Variants in SCHIP1 observed in about 807,000 individuals in gnomAD.
SCHIP1 encodes schwannomin-interacting protein 1.
SCHIP1 carries 8 observed loss-of-function variants against 29.7 expected under a neutral mutation model. That is an observed-to-expected ratio of 0.27 (90% CI 0.16 to 0.49). The LOEUF (loss-of-function observed/expected upper bound fraction) is 0.49. Ranked by LOEUF, SCHIP1 falls within the 20% of genes least tolerant of loss-of-function variation. The pLI, the probability that SCHIP1 is intolerant of heterozygous loss-of-function variation, is 0.99. For missense variants in SCHIP1, 193 were observed against 294.6 expected, an observed-to-expected ratio of 0.66 and a Z score of 2.52; for synonymous variants, 76 against 94.9, an observed-to-expected ratio of 0.80 and a Z score of 1.16.
At chr3:159,736,339 A>G in the SCHIP1 span, among the ~76,000 whole-genome samples, 3 of 152,170 alleles carry the variant, frequency 2.0e-5, no homozygotes, top group Non-Finnish European at 2.9e-5. Flanking sequence ...CCTTAAAAAT[A>G]TTTTTTAACT....
the SCHIP1 span, among the ~76,000 whole-genome samples, chr3:159,342,487 A>C: frequency 6.6e-6 from 1 of 152,342 alleles, no homozygotes; most frequent in Admixed American, 6.5e-5. Context: ...AGTGCAGGAA[A>C]TATCTTTACA....
At chr3:159,794,051 G>C in the SCHIP1 span, among the ~76,000 whole-genome samples, 1 of 152,170 alleles carries the variant, frequency 6.6e-6, no homozygotes, top group Non-Finnish European at 1.5e-5. Context: ...GGTCTTTAAC[G>C]TCATCACATC....
At chr3:159,745,173 T>C in the SCHIP1 span, among the ~76,000 whole-genome samples, 1 of 152,208 alleles carries the variant, frequency 6.6e-6, no homozygotes, top group Non-Finnish European at 1.5e-5. Flanking sequence ...CTCAAATAGC[T>C]CATTTTTCCT....
At chr3:159,862,767 CAAAT>C (rs748072591) in intron 1 of SCHIP1, among the ~76,000 whole-genome samples, 2 of 152,034 alleles carry the variant, frequency 1.3e-5, no homozygotes, top group Non-Finnish European at 2.9e-5. Flanking sequence ...CACTAGTAAT[CAAAT>C]AAATTGAAAT....
the SCHIP1 span, chr3:159,274,706 C>G: frequency 1.2e-6 from 1 of 817,766 alleles, no homozygotes; most frequent in Non-Finnish European, 1.5e-6. Context: ...TTTTGATTAG[C>G]TATTCAAATT....
intron 2 of SCHIP1, among the ~76,000 whole-genome samples, chr3:159,882,086 A>G (rs1341490167): frequency 4.6e-5 from 7 of 152,206 alleles, no homozygotes; most frequent in Non-Finnish European, 1.0e-4. Context: ...GGCTAGGGAA[A>G]TAGACTCCAC....
the SCHIP1 span, among the ~76,000 whole-genome samples, chr3:159,396,303 G>A: frequency 2.0e-5 from 3 of 150,654 alleles, no homozygotes; most frequent in Non-Finnish European, 4.4e-5. Context: ...TTTAATTGGA[G>A]CATTTAGTCC....
At chr3:159,644,695 C>A in the SCHIP1 span, among the ~76,000 whole-genome samples, 18 of 152,096 alleles carry the variant, frequency 1.2e-4, no homozygotes, top group Non-Finnish European at 1.9e-4. Context: ...CCATTAAATT[C>A]AAATTAAAAG....
the SCHIP1 span, among the ~76,000 whole-genome samples, chr3:159,468,287 A>G: frequency 4.4e-4 from 67 of 152,262 alleles, no homozygotes; most frequent in African/African-American, 1.3e-3. Flanking sequence ...CTCAAGGTAT[A>G]TATGTCCCCA....
At chr3:159,681,933 A>ACTCAACGTTAACTTAGGTTAG in the SCHIP1 span, among the ~76,000 whole-genome samples, 166 of 149,818 alleles carry the variant, frequency 1.1e-3, 7 homozygotes, top group African/African-American at 3.9e-3. Context: ...ACTTGGGTTA[A>ACTCAACGTTAACTTAGGTTAG]CTTGGGTTAA....
chr3:159,819,145 G>T, the SCHIP1 span, among the ~76,000 whole-genome samples: 1 of 152,148 alleles, frequency 6.6e-6, no homozygotes, highest in Non-Finnish European at 1.5e-5. Context: ...TCACCACGTG[G>T]CCCTCTCCGT....
the SCHIP1 span, among the ~76,000 whole-genome samples, chr3:159,550,058 C>CTTAA: frequency 0.51 from 74,574 of 147,478 alleles, 19,695 homozygotes; most frequent in African/African-American, 0.56. Flanking sequence ...CTGTTTTTCT[C>CTTAA]TTATCTTAAG....
chr3:159,692,022 T>TC, the SCHIP1 span, among the ~76,000 whole-genome samples: 1 of 142,256 alleles, frequency 7.0e-6, no homozygotes, highest in Admixed American at 6.9e-5. Context: ...TCTTTTTTTT[T>TC]TTTTTTTTTT....
the SCHIP1 span, among the ~76,000 whole-genome samples, chr3:159,384,313 C>T: frequency 6.6e-6 from 1 of 151,780 alleles, no homozygotes; most frequent in East Asian, 1.9e-4. Context: ...GAGTTTTTAG[C>T]ATGAAGCGTT....
At chr3:159,445,258 CA>C in the SCHIP1 span, among the ~76,000 whole-genome samples, 1 of 151,988 alleles carries the variant, frequency 6.6e-6, no homozygotes. Flanking sequence ...TTTAGGCAGC[CA>C]AAAGACACAT....
chr3:159,457,546 GA>G, the SCHIP1 span, among the ~76,000 whole-genome samples: 1 of 152,062 alleles, frequency 6.6e-6, no homozygotes, highest in East Asian at 1.9e-4. Context: ...AAGCTATAAA[GA>G]GAATGTTTAG....
chr3:159,452,485 C>CT, the SCHIP1 span, among the ~76,000 whole-genome samples: 1 of 152,094 alleles, frequency 6.6e-6, no homozygotes, highest in Non-Finnish European at 1.5e-5. Flanking sequence ...TGAACTCATT[C>CT]TTTTTTATGG....
the SCHIP1 span, among the ~76,000 whole-genome samples, chr3:159,529,687 G>A: frequency 6.6e-6 from 1 of 152,008 alleles, no homozygotes; most frequent in Non-Finnish European, 1.5e-5. Context: ...ACTCTATTTT[G>A]CCATCAAACA....
the SCHIP1 span, among the ~76,000 whole-genome samples, chr3:159,407,862 G>A: frequency 1.3e-5 from 2 of 152,172 alleles, no homozygotes; most frequent in Non-Finnish European, 2.9e-5. Flanking sequence ...AACATACCAA[G>A]ACCTATGGAA....
Sources: allele counts gnomAD v4.1 joint callset (sites outside exome capture counted in the v4.1 genomes callset), GRCh38; gene constraint gnomAD v4.1.1; transcripts MANE v1.5; gene names NCBI Gene and HGNC (gene_info 2026-07-23, HGNC 2026-07-21).